Variants in WDR35 observed in about 807,000 individuals in gnomAD.
WDR35 encodes WD repeat domain 35.
Under a neutral mutation model 158.3 loss-of-function variants are expected in WDR35, and 118 were observed. The observed-to-expected ratio is 0.75, with a 90% CI of 0.64 to 0.87. WDR35 has a LOEUF of 0.87. WDR35 is among the 40% of genes least tolerant of loss of function. The probability of loss-of-function intolerance (pLI) is 0.00; values close to 1 mark genes in which losing one functional copy is unlikely to be tolerated. For missense variants in WDR35, 1,263 were observed against 1,405.8 expected, an observed-to-expected ratio of 0.90 and a Z score of 1.62; for synonymous variants, 448 against 476.1, an observed-to-expected ratio of 0.94 and a Z score of 0.77.
chr2:19,965,054 G>A (rs1003104338), intron 10 of WDR35, among the ~76,000 whole-genome samples: 5 of 152,052 alleles, frequency 3.3e-5, no homozygotes, highest in South Asian at 2.1e-4. Flanking sequence ...CTCCCGAGTA[G>A]CTGGGTTTAC....
chr2:19,914,358 G>C, intron 25 of WDR35, 81 bp from the exon 26 acceptor site: 2 of 1,582,160 alleles, frequency 1.3e-6, no homozygotes, highest in Non-Finnish European at 1.7e-6. Flanking sequence ...TCTAAGTTAA[G>C]GTGATTTCAT....
At chr2:19,981,006 C>G (rs1160585498) in intron 3 of WDR35, among the ~76,000 whole-genome samples, 1 of 152,164 alleles carries the variant, frequency 6.6e-6, no homozygotes, top group African/African-American at 2.4e-5. Context: ...TATTTCATCC[C>G]AGTAAAGACA....
intron 18 of WDR35, 29 bp downstream of exon 18, chr2:19,938,236 T>A (rs777992126): frequency 6.2e-7 from 1 of 1,613,870 alleles, no homozygotes; most frequent in South Asian, 1.1e-5. Flanking sequence ...ACACCTGACA[T>A]CCTGGGAGAG....
chr2:19,977,640 G>A (rs1381326767), intron 5 of WDR35, among the ~76,000 whole-genome samples: 3 of 151,908 alleles, frequency 2.0e-5, no homozygotes, highest in African/African-American at 4.9e-5. Flanking sequence ...GCACAGAGAT[G>A]TTTCTAAAGA....
At chr2:19,954,174 AACTC>A (rs1671345976) in intron 11 of WDR35, among the ~76,000 whole-genome samples, 196 bp from the exon 12 acceptor site, 1 of 152,236 alleles carries the variant, frequency 6.6e-6, no homozygotes, top group Non-Finnish European at 1.5e-5. Context: ...CAACGATACT[AACTC>A]AAAATAAATC....
chr2:19,974,906 G>T (rs1349506660), intron 6 of WDR35, among the ~76,000 whole-genome samples: 1 of 152,118 alleles, frequency 6.6e-6, no homozygotes, highest in Non-Finnish European at 1.5e-5. Flanking sequence ...ACAGCAAAAT[G>T]ACATAAAAGT....
At chr2:19,932,776 A>C (rs1026652592) in intron 22 of WDR35, among the ~76,000 whole-genome samples, 6 of 152,188 alleles carry the variant, frequency 3.9e-5, no homozygotes, top group African/African-American at 7.2e-5. Flanking sequence ...ATAGTAAAAC[A>C]AAATATGCAA....
Position 19,913,270 on chromosome 2 carries a change from A to G in WDR35, c.*288T>C, listed in dbSNP as rs1669889698. The G allele has an allele frequency of 3.6e-6, 1 of 281,648 alleles. No individual in the cohort carries two copies. 17.4% of individuals were successfully genotyped at this position (281,648 alleles called of 1,614,324 possible). ...ACTGTGAGAAAAAAATTTATTTGGA[A>G]TATTTCCATGGTATCATGTAACCAA... On this transcript the variant is annotated 3_prime_UTR_variant, in exon 27 of 27. Transcript: ENST00000281405.
At chr2:19,960,706 A>G in intron 10 of WDR35, 92 bp from the exon 11 acceptor site, 1 of 966,472 alleles carries the variant, frequency 1.0e-6, no homozygotes, top group Non-Finnish European at 1.6e-6. Context: ...TCTCTTTTTC[A>G]AGTATTGCTA....
intron 25 of WDR35, among the ~76,000 whole-genome samples, chr2:19,920,277 C>A (rs924841627): frequency 2.6e-5 from 4 of 151,922 alleles, no homozygotes; most frequent in Admixed American, 6.6e-5. Context: ...GACACAACAA[C>A]AACAAAAAAT....
At chr2:19,953,200 A>G (rs892572447) in intron 12 of WDR35, among the ~76,000 whole-genome samples, 1 of 152,194 alleles carries the variant, frequency 6.6e-6, no homozygotes, top group Non-Finnish European at 1.5e-5. Context: ...TGGAGACAAT[A>G]TAACTTACAA....
At chr2:19,964,413 T>A (rs531734288) in intron 10 of WDR35, among the ~76,000 whole-genome samples, 85 of 143,850 alleles carry the variant, frequency 5.9e-4, no homozygotes, top group Non-Finnish European at 1.0e-3. Context: ...AGACAGAGTC[T>A]TACTCTGTCT....
intron 5 of WDR35, among the ~76,000 whole-genome samples, chr2:19,976,677 G>A (rs1672224817): frequency 6.9e-6 from 1 of 144,002 alleles, no homozygotes; most frequent in African/African-American, 2.6e-5. Context: ...TGTTGCTAAA[G>A]CCAATTGATA....
rs1670613421 is a variant in WDR35, at chr2:19,934,050, C to CCAA, written c.2548-540_2548-539insTTG. ...ACCACCACCACCACCACCACCACCA[C>CCAA]CACCACCACCACCACCACCACCACA... is the stretch of plus-strand genomic sequence containing the variant. On this transcript the variant is annotated intron_variant, in intron 21 of 26. Transcript: ENST00000281405. The surrounding 1 kb of genome is among the most constrained non-coding windows in gnomAD (Gnocchi z 4.6). Among the ~76,000 whole-genome samples the CCAA allele has an allele frequency of 6.9e-6, 1 of 144,990 alleles. No homozygotes were observed. The highest frequency in any genetic ancestry group is 2.6e-5 in the African/African-American group (1 of 39,086).
chr2:19,979,548 G>GAAGC (rs1672318444), intron 4 of WDR35, among the ~76,000 whole-genome samples: 1 of 152,086 alleles, frequency 6.6e-6, no homozygotes, highest in Non-Finnish European at 1.5e-5. Context: ...AACCAAACTA[G>GAAGC]AAGCAAAAAA....
At position 19,913,492 on chromosome 2, in the gene WDR35, T is replaced by C; in HGVS notation, c.*66A>G. ...ACTCACAGAAATAAACCTTATTACA[T>C]ATACAGCATATAGCCATGTATATAT... On this transcript the variant is annotated 3_prime_UTR_variant, in exon 27 of 27. Coordinates refer to ENST00000281405, the MANE Select transcript of WDR35 (RefSeq NM_020779.4). 2.5e-6 allele frequency: 4 copies of C among 1,590,960 alleles called. No individual in the cohort carries two copies. The highest frequency in any genetic ancestry group is 3.4e-6 in the Non-Finnish European group (4 of 1,160,208).
chr2:19,928,970 C>A (rs1670444962), intron 25 of WDR35, among the ~76,000 whole-genome samples: 1 of 152,142 alleles, frequency 6.6e-6, no homozygotes, highest in South Asian at 2.1e-4. Flanking sequence ...CTACACCCAG[C>A]TGATTTTTTT....
intron 11 of WDR35, 25 bp downstream of exon 11, chr2:19,960,529 G>C (rs368439301): frequency 1.3e-6 from 2 of 1,568,516 alleles, no homozygotes. Context: ...GATTGGAAAA[G>C]AAATAAATAT....
At chr2:19,925,223 G>T (rs932263834) in intron 25 of WDR35, among the ~76,000 whole-genome samples, 3 of 152,148 alleles carry the variant, frequency 2.0e-5, no homozygotes, top group Non-Finnish European at 4.4e-5. Context: ...GTTTAAAAGG[G>T]GTATAAATAC....
Sources: allele counts gnomAD v4.1 joint callset (sites outside exome capture counted in the v4.1 genomes callset), GRCh38; gene constraint gnomAD v4.1.1; non-coding constraint Gnocchi (gnomAD v3.1); transcripts MANE v1.5; gene names NCBI Gene and HGNC (gene_info 2026-07-23, HGNC 2026-07-21).